The following FAM163A variants were observed in gnomAD, a reference collection of about 807,000 sequenced individuals.
FAM163A encodes protein FAM163A.
FAM163A carries 7 observed loss-of-function variants against 12.0 expected under a neutral mutation model. That is an observed-to-expected ratio of 0.58 (90% CI 0.33 to 1.10). FAM163A has a LOEUF of 1.10. Ranked by LOEUF, FAM163A falls within the 50% of genes least tolerant of loss-of-function variation. The probability of loss-of-function intolerance (pLI) is 0.03; values close to 1 mark genes in which losing one functional copy is unlikely to be tolerated. For missense variants in FAM163A, 202 were observed against 218.6 expected, an observed-to-expected ratio of 0.92 and a Z score of 0.48; for synonymous variants, 101 against 91.0, an observed-to-expected ratio of 1.11 and a Z score of -0.62.
intron 1 of FAM163A, among the ~76,000 whole-genome samples, chr1:179,776,365 C>G (rs1054255151): frequency 1.3e-5 from 2 of 152,018 alleles, no homozygotes; most frequent in Admixed American, 6.6e-5. Flanking sequence ...GTGGTGCACA[C>G]CTGTAATACC....
At position 179,797,993 on chromosome 1, in the gene FAM163A, A is replaced by G. The variant is rs183344672; in HGVS notation, c.-135-9805A>G. On this transcript the variant is annotated intron_variant, in intron 1 of 4. Coordinates refer to ENST00000341785, the MANE Select transcript of FAM163A (RefSeq NM_173509.3). ...ACCTGTAATCTCAGCACTTTGGGAG[A>G]CCGAGGCAGGTAGATTGTCTGAGCT... 9.2e-3 allele frequency among the ~76,000 whole-genome samples: 1,393 copies of G among 152,106 alleles called. 22 individuals are homozygous for G. The highest frequency in any genetic ancestry group is 0.032 in the African/African-American group (1,317 of 41,496).
chr1:179,777,801 T>C (rs1397671799), intron 1 of FAM163A, among the ~76,000 whole-genome samples: 2 of 152,160 alleles, frequency 1.3e-5, no homozygotes, highest in Non-Finnish European at 2.9e-5. Flanking sequence ...ACTAAGCTCC[T>C]CCACACTGTG....
chr1:179,782,443 C>G (rs1047416825), intron 1 of FAM163A, among the ~76,000 whole-genome samples: 4 of 151,866 alleles, frequency 2.6e-5, no homozygotes, highest in Non-Finnish European at 5.9e-5. Flanking sequence ...AGCACAGGAG[C>G]ATCTTCTCAT....
chr1:179,762,597 A>C (rs1430618874), intron 1 of FAM163A, among the ~76,000 whole-genome samples: 1 of 152,206 alleles, frequency 6.6e-6, no homozygotes, highest in Non-Finnish European at 1.5e-5. Flanking sequence ...TTTTTTATTC[A>C]AGATTATATC....
At chr1:179,749,770 A>G (rs1390193712) in intron 1 of FAM163A, among the ~76,000 whole-genome samples, 2 of 152,176 alleles carry the variant, frequency 1.3e-5, no homozygotes, top group Non-Finnish European at 2.9e-5. Flanking sequence ...GAGGCAGGAG[A>G]ATCGCTTGAA....
chr1:179,774,305 G>A (rs1688656948), intron 1 of FAM163A, among the ~76,000 whole-genome samples: 1 of 152,374 alleles, frequency 6.6e-6, no homozygotes, highest in African/African-American at 2.4e-5. Context: ...GCTGCAGGCA[G>A]CCAGGCCTGA....
intron 1 of FAM163A, among the ~76,000 whole-genome samples, chr1:179,794,265 T>C (rs1691951806): frequency 1.3e-5 from 2 of 152,220 alleles, no homozygotes; most frequent in Admixed American, 1.3e-4. Context: ...AATTAGAGCA[T>C]TGGGCAGCAG....
chr1:179,768,516 A>T (rs1296511398), intron 1 of FAM163A, among the ~76,000 whole-genome samples: 1 of 152,158 alleles, frequency 6.6e-6, no homozygotes, highest in East Asian at 1.9e-4. Flanking sequence ...GGGGCAAGTG[A>T]TGGTGGCTGG....
At chr1:179,758,653 C>G (rs1686371855) in intron 1 of FAM163A, among the ~76,000 whole-genome samples, 1 of 152,244 alleles carries the variant, frequency 6.6e-6, no homozygotes, top group South Asian at 2.1e-4. Flanking sequence ...GTTCCTGTCC[C>G]TCTGTTCCTC....
chr1:179,746,673 G>A (rs1190565547), intron 1 of FAM163A, among the ~76,000 whole-genome samples: 4 of 152,178 alleles, frequency 2.6e-5, no homozygotes, highest in Non-Finnish European at 4.4e-5. Flanking sequence ...ATGGGAATAC[G>A]TTAACTATTT....
intron 1 of FAM163A, among the ~76,000 whole-genome samples, chr1:179,796,572 C>T: frequency 6.6e-6 from 1 of 152,230 alleles, no homozygotes; most frequent in Non-Finnish European, 1.5e-5. Flanking sequence ...GCAGGTTCTC[C>T]AGGATGCTTC....
intron 1 of FAM163A, among the ~76,000 whole-genome samples, chr1:179,776,992 G>A (rs1341656245): frequency 6.6e-6 from 1 of 152,204 alleles, no homozygotes; most frequent in Non-Finnish European, 1.5e-5. Flanking sequence ...TTTTGTGAAT[G>A]GCTCTTTTCA....
At chr1:179,775,396 G>T (rs943213902) in intron 1 of FAM163A, among the ~76,000 whole-genome samples, 3 of 152,260 alleles carry the variant, frequency 2.0e-5, no homozygotes, top group African/African-American at 7.2e-5. Context: ...CTGCCACGCA[G>T]AAAAGGTGGG....
chr1:179,734,587 T>G, the FAM163A span, among the ~76,000 whole-genome samples: 1 of 152,332 alleles, frequency 6.6e-6, no homozygotes, highest in South Asian at 2.1e-4. Context: ...CTTCTTGCTG[T>G]GTCCTCACGT....
intron 1 of FAM163A, among the ~76,000 whole-genome samples, chr1:179,774,979 C>T (rs558082992): frequency 2.0e-5 from 3 of 152,180 alleles, no homozygotes; most frequent in South Asian, 4.1e-4. Flanking sequence ...ACAAAACGCA[C>T]GGCAAAGCAA....
chr1:179,736,860 T>A, the FAM163A span, among the ~76,000 whole-genome samples: 280 of 152,168 alleles, frequency 1.8e-3, no homozygotes, highest in Non-Finnish European at 3.0e-3. Context: ...AGTATTGGCA[T>A]TGCTGTGGAG....
chr1:179,814,877 A>T lies in FAM163A; in HGVS notation c.*688A>T, dbSNP rs1262609204. On this transcript the variant is annotated 3_prime_UTR_variant, in exon 5 of 5. Transcript: ENST00000341785. ...TTAAAGCCTAAGGTGGCTTGTGGGGACTGCACCAGAAAGTGTCTAACCTTG... is the reference window on the plus strand; with the variant it reads ...TTAAAGCCTAAGGTGGCTTGTGGGGTCTGCACCAGAAAGTGTCTAACCTTG... 1 of 152,116 alleles carries T rather than the reference A, an allele frequency of 6.6e-6. No homozygotes were observed. The highest frequency in any genetic ancestry group is 1.9e-4 in the East Asian group (1 of 5,194). The allele number at this position is 152,116 out of a possible 1,614,324, so 9.4% of individuals were successfully genotyped here.
chr1:179,773,847 C>T (rs1338337144), intron 1 of FAM163A, among the ~76,000 whole-genome samples: 1 of 152,186 alleles, frequency 6.6e-6, no homozygotes, highest in Non-Finnish European at 1.5e-5. Flanking sequence ...CATCTTTTAC[C>T]TTCAGAAGCC....
chr1:179,792,378 A>G (rs760064385), intron 1 of FAM163A, among the ~76,000 whole-genome samples: 50 of 151,006 alleles, frequency 3.3e-4, no homozygotes, highest in African/African-American at 1.1e-3. Flanking sequence ...TCCTGTGCTC[A>G]ACAAATCCAC....
Sources: gnomAD v4.1 joint callset for allele counts (sites outside exome capture counted in the v4.1 genomes callset) on GRCh38, gnomAD v4.1.1 for gene constraint, MANE v1.5 for transcripts, NCBI Gene and HGNC (gene_info 2026-07-23, HGNC 2026-07-21) for gene names.